The following RFX7 variants were observed in gnomAD, a reference collection of about 807,000 sequenced individuals.
The protein encoded by RFX7 is regulatory factor X7.
RFX7 carries 26 observed loss-of-function variants against 111.8 expected under a neutral mutation model. The observed-to-expected ratio is 0.23, with a 90% CI of 0.17 to 0.32. The LOEUF is 0.32. RFX7 is among the 10% of genes least tolerant of loss of function. The pLI is 1.00. For missense variants in RFX7, 1,573 were observed against 1,772.9 expected, an observed-to-expected ratio of 0.89 and a Z score of 2.02; for synonymous variants, 624 against 624.4, an observed-to-expected ratio of 1.00 and a Z score of 0.01.
In RFX7 at chr15:56,149,082, C is replaced by CAA. The variant is rs34272707; in HGVS notation, c.196-4601_196-4600dup. On this transcript the variant is annotated intron_variant, in intron 3 of 9. Transcript: ENST00000559447. The stretch of plus-strand genomic sequence containing the variant: ...TCAGCGACAGAGCGAGACTCCGTCT[C>CAA]AAAAAAAAAAAAAAAAAAAATCAAT... 9.5e-3 allele frequency among the ~76,000 whole-genome samples: 752 copies of CAA among 78,856 alleles called. 14 individuals are homozygous for CAA. Among genetic ancestry groups the CAA allele is most frequent in the East Asian group, 0.056 (181 of 3,252 alleles). The allele number at this position is 78,856 out of a possible 152,430, so 51.7% of individuals were successfully genotyped here. A position where few individuals can be genotyped will look rare whatever the true frequency, so the allele number is the denominator to read the frequency against.
intron 2 of RFX7, among the ~76,000 whole-genome samples, chr15:56,226,677 T>C (rs2718927): frequency 0.13 from 20,160 of 152,038 alleles, 1,787 homozygotes; most frequent in African/African-American, 0.25. Flanking sequence ...AGAGAGAAAA[T>C]TGTAAATACT....
At chr15:56,200,261 C>T (rs1490216341) in intron 2 of RFX7, among the ~76,000 whole-genome samples, 2 of 152,112 alleles carry the variant, frequency 1.3e-5, no homozygotes, top group African/African-American at 4.8e-5. Flanking sequence ...ACATGCACAG[C>T]GACCCATCTG....
chr15:56,132,998 A>G (rs1430073526), intron 5 of RFX7, among the ~76,000 whole-genome samples: 2 of 152,162 alleles, frequency 1.3e-5, no homozygotes, highest in African/African-American at 4.8e-5. Context: ...TAAAGAAGGC[A>G]TTAGAAAAAC....
At chr15:56,228,801 C>T (rs1304077300) in intron 2 of RFX7, among the ~76,000 whole-genome samples, 7 of 152,142 alleles carry the variant, frequency 4.6e-5, no homozygotes, top group Admixed American at 4.6e-4. Context: ...CCAGTACCCC[C>T]AGTGGATGCC....
In RFX7 at chr15:56,243,238, A is replaced by G. The variant is rs1399224082; in HGVS notation, c.48T>C (p.His16=). ...QQPPPQQPDA[H]QQLPPSAPNS... is the part of the protein sequence containing the mutation. ...TGGGGGCGCTGGGGGGAAGCTGCTG[A>G]TGGGCATCAGGCTGCTGTGGTGGCG... The change falls in exon 2 of 10, where the codon CAT becomes CAC. Residue 16 remains histidine (H), a synonymous_variant. Transcript: ENST00000559447. 1 of 1,304,512 alleles carries G rather than the reference A, an allele frequency of 7.7e-7. No homozygotes were observed. The highest frequency in any genetic ancestry group is 1.0e-6 in the Non-Finnish European group (1 of 993,952). The allele number at this position is 1,304,512 out of a possible 1,614,324, so 80.8% of individuals were successfully genotyped here.
chr15:56,159,113 G>A (rs1567032001), intron 3 of RFX7, among the ~76,000 whole-genome samples: 1 of 151,950 alleles, frequency 6.6e-6, no homozygotes, highest in Non-Finnish European at 1.5e-5. Context: ...TCTGTGCCTG[G>A]CTTATTTCAC....
chr15:56,140,545 C>A (rs2042377880), intron 5 of RFX7, among the ~76,000 whole-genome samples: 1 of 152,202 alleles, frequency 6.6e-6, no homozygotes, highest in Admixed American at 6.5e-5. Context: ...GAACCCAGTA[C>A]CTCAGATGGA....
chr15:56,235,490 A>G lies in RFX7; in HGVS notation c.161+7635T>C, dbSNP rs116126537. On this transcript the variant is annotated intron_variant, in intron 2 of 9. Coordinates refer to ENST00000559447, the MANE Select transcript of RFX7 (RefSeq NM_022841.7). ...GACAATACAGGTGCTCAAAACAGAA[A>G]AGCCACAGAAAAACAGAAAAACACA... 7.1e-3 allele frequency among the ~76,000 whole-genome samples: 1,083 copies of G among 152,232 alleles called. 12 individuals carry two copies. Among genetic ancestry groups the G allele is most frequent in the African/African-American group, 0.025 (1,050 of 41,536 alleles).
chr15:56,113,373 A>G (rs2041964117), intron 5 of RFX7, among the ~76,000 whole-genome samples: 1 of 152,244 alleles, frequency 6.6e-6, no homozygotes, highest in African/African-American at 2.4e-5. Flanking sequence ...GCTGGAAGCC[A>G]TCATCCTCAG....
chr15:56,181,278 T>C (rs1225381942), intron 2 of RFX7, among the ~76,000 whole-genome samples: 2 of 152,214 alleles, frequency 1.3e-5, no homozygotes, highest in African/African-American at 4.8e-5. Context: ...TTTTCTCCCA[T>C]ATAACTTATC....
At chr15:56,212,613 T>C (rs915121488) in intron 2 of RFX7, among the ~76,000 whole-genome samples, 2 of 152,150 alleles carry the variant, frequency 1.3e-5, no homozygotes, top group African/African-American at 2.4e-5. Context: ...AGAGAATGTA[T>C]GGGAAATTCT....
At chr15:56,128,607 T>C (rs2042174867) in intron 5 of RFX7, among the ~76,000 whole-genome samples, 3 of 152,248 alleles carry the variant, frequency 2.0e-5, no homozygotes, top group Middle Eastern at 6.8e-3. Context: ...TCATACTTAA[T>C]GGCAAAAGAC....
chr15:56,098,478 A>T (rs1163576986), intron 8 of RFX7, 102 bp from the exon 9 acceptor site: 3 of 1,255,948 alleles, frequency 2.4e-6, no homozygotes, highest in Non-Finnish European at 3.2e-6. Context: ...TGGACAAAGC[A>T]ACCAAAATGG....
intron 2 of RFX7, chr15:56,192,784 G>C (rs1273165125): frequency 4.5e-6 from 1 of 224,056 alleles, no homozygotes; most frequent in Non-Finnish European, 9.8e-6. Context: ...TTGAGTAAAT[G>C]GAGGCCAGCA....
chr15:56,220,553 A>C (rs2043416260), intron 2 of RFX7, among the ~76,000 whole-genome samples: 1 of 151,768 alleles, frequency 6.6e-6, no homozygotes, highest in Non-Finnish European at 1.5e-5. Flanking sequence ...TTTCTGCTTA[A>C]TTTAAGTTCC....
intron 5 of RFX7, among the ~76,000 whole-genome samples, chr15:56,141,753 A>G (rs1432092855): frequency 6.7e-6 from 1 of 148,318 alleles, no homozygotes; most frequent in African/African-American, 2.5e-5. Flanking sequence ...GGTCTGGCAT[A>G]TAGGTATTCA....
In RFX7 at chr15:56,102,948, G is replaced by A. The variant is rs76824947; in HGVS notation, c.518+606C>T. ...TCTATTTTACAATCTTCTTCTAAGA[G>A]GAGAAAGAACTATAATGAATTCTTA... is the stretch of plus-strand genomic sequence containing the variant. On this transcript the variant is annotated intron_variant, in intron 6 of 9. Transcript: ENST00000559447. Among the ~76,000 whole-genome samples the A allele has an allele frequency of 5.8e-3, 879 of 152,170 alleles. 4 individuals are homozygous for A. The highest frequency in any genetic ancestry group is 0.012 in the South Asian group (59 of 4,798).
chr15:56,102,225 CT>C lies in RFX7; in HGVS notation c.546del (p.Ala183LeufsTer52). 1 of 1,612,130 alleles carries C rather than the reference CT, an allele frequency of 6.2e-7. No individual in the cohort carries two copies. Among genetic ancestry groups the C allele is most frequent in the Non-Finnish European group, 8.5e-7 (1 of 1,178,760 alleles). On this transcript the variant is annotated frameshift_variant, in exon 7 of 10. Transcript: ENST00000559447. LOFTEE classifies it high-confidence loss of function. ...SKYCYSGLRKKAFVHMPTLPN... is the reference protein window; with the variant it reads ...SKYCYSGLRKXAFVHMPTLPN... ...GGCAGTGTTGGCATATGAACAAAAG[CT>C]TTTTTTCTTAGTCCACTGTAGCAAT...
chr15:56,202,208 T>A lies in RFX7; in HGVS notation c.162-22905A>T, dbSNP rs1381803375. 3.6e-4 allele frequency among the ~76,000 whole-genome samples: 55 copies of A among 152,044 alleles called. 1 individual carries two copies. Among genetic ancestry groups the A allele is most frequent in the Admixed American group, 3.6e-3 (55 of 15,268 alleles). On this transcript the variant is annotated intron_variant, in intron 2 of 9. Transcript: ENST00000559447. ...CTACAGTCTCACTATCCAATAGAAA[T>A]ATAATACAAACCATAGAAATCTTAA...
Sources: gnomAD v4.1 joint callset for allele counts (sites outside exome capture counted in the v4.1 genomes callset) on GRCh38, gnomAD v4.1.1 for gene constraint, MANE v1.5 for transcripts, NCBI Gene and HGNC (gene_info 2026-07-23, HGNC 2026-07-21) for gene names.